Variants in NBAS observed in about 807,000 individuals in gnomAD.
NBAS encodes NAG/BC035112 fusion.
Under a neutral mutation model 302.5 loss-of-function variants are expected in NBAS, and 219 were observed. The observed-to-expected ratio is 0.72, with a 90% confidence interval of 0.65 to 0.81. NBAS has a LOEUF of 0.81. NBAS is among the 30% of genes least tolerant of loss of function. NBAS has a pLI of 0.00. For synonymous variants in NBAS, 1,118 were observed against 1,021.6 expected (o/e 1.09, Z -1.80); for missense variants, 2,932 against 2,841.6 (o/e 1.03, Z -0.72).
intron 42 of NBAS, 123 bp from the exon 43 acceptor site, chr2:15,277,224 G>A (rs1202662435): frequency 8.1e-7 from 1 of 1,241,822 alleles, no homozygotes; most frequent in East Asian, 2.5e-5. Context: ...CTCAAAGACA[G>A]TAAACCACCA....
At chr2:14,877,235 G>C in the NBAS span, among the ~76,000 whole-genome samples, 1 of 152,040 alleles carries the variant, frequency 6.6e-6, no homozygotes, top group African/African-American at 2.4e-5. Flanking sequence ...CTGTGTTTTC[G>C]CACTGCTTTC....
intron 51 of NBAS, among the ~76,000 whole-genome samples, chr2:15,176,172 C>T (rs76761042): frequency 6.6e-6 from 1 of 152,282 alleles, no homozygotes; most frequent in Non-Finnish European, 1.5e-5. Flanking sequence ...AGACGTGAGT[C>T]GGGCCAAAAT....
rs543573048 is a variant in NBAS at position 15,383,910 on chromosome 2, T to C, written c.3258-593A>G. Among the ~76,000 whole-genome samples the C allele has an allele frequency of 3.3e-5, 5 of 152,254 alleles. No homozygotes were observed. The East Asian group carries it at 9.7e-4, about 29-fold the overall frequency. On this transcript the variant is annotated intron_variant, in intron 28 of 51. Coordinates refer to ENST00000281513, the MANE Select transcript of NBAS (RefSeq NM_015909.4). The stretch of plus-strand genomic sequence containing the variant: ...AACTCACAGAGCACTCCAGGAGTTA[T>C]CTTCTCAAGTGACCGCCCCAGTACA...
At chr2:14,911,504 A>G in the NBAS span, among the ~76,000 whole-genome samples, 2 of 152,190 alleles carry the variant, frequency 1.3e-5, no homozygotes, top group African/African-American at 4.8e-5. Context: ...CAGTGGCAGT[A>G]CAGGATAATG....
chr2:15,387,234 A>C (rs757198166), intron 28 of NBAS, among the ~76,000 whole-genome samples: 2 of 151,934 alleles, frequency 1.3e-5, no homozygotes, highest in Non-Finnish European at 2.9e-5. Context: ...TGCCTGGCTA[A>C]TTTTTTGTAT....
the NBAS span, among the ~76,000 whole-genome samples, chr2:14,788,151 G>A: frequency 1.4e-4 from 22 of 152,162 alleles, no homozygotes; most frequent in Middle Eastern, 3.4e-3. Context: ...CGTAGTTCTC[G>A]AGGCTTGGCT....
the NBAS span, among the ~76,000 whole-genome samples, chr2:15,117,994 C>T: frequency 2.6e-5 from 4 of 152,244 alleles, no homozygotes; most frequent in Admixed American, 6.5e-5. Context: ...AAAAGCAGGA[C>T]AGCAGAGCTC....
At chr2:14,821,048 T>C in the NBAS span, among the ~76,000 whole-genome samples, 1 of 152,084 alleles carries the variant, frequency 6.6e-6, no homozygotes, top group Non-Finnish European at 1.5e-5. Context: ...TGCCTAAGCC[T>C]TCCATGTAGC....
chr2:15,031,777 C>T, the NBAS span, among the ~76,000 whole-genome samples: 1 of 152,224 alleles, frequency 6.6e-6, no homozygotes, highest in Non-Finnish European at 1.5e-5. Flanking sequence ...GGCTACTGCA[C>T]TGGGCGAGCA....
intron 25 of NBAS, among the ~76,000 whole-genome samples, chr2:15,407,634 C>A (rs1489992745): frequency 4.6e-5 from 7 of 152,124 alleles, no homozygotes; most frequent in African/African-American, 1.7e-4. Context: ...ACGTACACAG[C>A]AGAATGAGCA....
chr2:15,060,245 T>C, the NBAS span, among the ~76,000 whole-genome samples: 2 of 151,982 alleles, frequency 1.3e-5, no homozygotes, highest in African/African-American at 2.4e-5. Flanking sequence ...CAAATCTCCA[T>C]CCCCCCTGCC....
chr2:15,195,276 C>A (rs1665564703), intron 48 of NBAS, among the ~76,000 whole-genome samples: 1 of 152,086 alleles, frequency 6.6e-6, no homozygotes, highest in Non-Finnish European at 1.5e-5. Flanking sequence ...TCAGCTAGGG[C>A]CTGCGTTAGT....
chr2:14,845,484 C>T, the NBAS span, among the ~76,000 whole-genome samples: 118 of 152,248 alleles, frequency 7.8e-4, no homozygotes, highest in African/African-American at 2.0e-3. Flanking sequence ...CCTAACTCTT[C>T]GATTTCAAGA....
chr2:15,330,595 T>C lies in NBAS; in HGVS notation c.4347+3A>G. ...ATTTTAAAAAGAAAGATGCACTGCT[T>C]ACCTGAAGGGGTCGAAGGTAAGTTA... On this transcript the variant is annotated splice_donor_region_variant and intron_variant, in intron 36 of 51. Coordinates refer to ENST00000281513, the MANE Select transcript of NBAS (RefSeq NM_015909.4). 1 of 1,613,726 alleles carries C rather than the reference T, an allele frequency of 6.2e-7. No individual in the cohort carries two copies. The highest frequency in any genetic ancestry group is 8.5e-7 in the Non-Finnish European group (1 of 1,179,742).
the NBAS span, among the ~76,000 whole-genome samples, chr2:14,787,465 C>G: frequency 4.6e-5 from 7 of 152,250 alleles, no homozygotes; most frequent in East Asian, 1.2e-3. Context: ...GGTACCGGCT[C>G]TTCCTTTCCA....
At chr2:15,534,052 C>T (rs1171671540) in intron 9 of NBAS, among the ~76,000 whole-genome samples, 2 of 152,134 alleles carry the variant, frequency 1.3e-5, no homozygotes. Flanking sequence ...CATAAGGTTT[C>T]TAGTAAGCCT....
Position 15,432,130 on chromosome 2 carries a change from T to C in NBAS, c.2340-4336A>G, listed in dbSNP as rs79496559. ...TCATACTGTTCCTTCTACAGAACTA[T>C]AGAAACTTTGGGTAGGTGTAAAACT... On this transcript the variant is annotated intron_variant, in intron 21 of 51. Transcript: ENST00000281513. Among the ~76,000 whole-genome samples, 1,247 of 152,144 alleles carry C rather than the reference T, an allele frequency of 8.2e-3. 15 individuals carry two copies. Among genetic ancestry groups the C allele is most frequent in the African/African-American group, 0.028 (1,178 of 41,528 alleles).
chr2:14,969,381 T>G, the NBAS span, among the ~76,000 whole-genome samples: 5 of 151,898 alleles, frequency 3.3e-5, no homozygotes, highest in African/African-American at 1.2e-4. Flanking sequence ...TTATTATTAT[T>G]ATTATTATTT....
chr2:15,114,186 G>A, the NBAS span, among the ~76,000 whole-genome samples: 2 of 152,146 alleles, frequency 1.3e-5, no homozygotes, highest in African/African-American at 4.8e-5. Flanking sequence ...TGCTTGGGCT[G>A]CCATCACCAA....
Sources: allele counts gnomAD v4.1 joint callset (sites outside exome capture counted in the v4.1 genomes callset), GRCh38; gene constraint gnomAD v4.1.1; transcripts MANE v1.5; gene names NCBI Gene and HGNC (gene_info 2026-07-23, HGNC 2026-07-21).